PTPRD: variants seen among roughly 807,000 people sequenced by gnomAD.
PTPRD encodes the protein protein tyrosine phosphatase receptor type D.
Under a neutral mutation model 214.5 loss-of-function variants are expected in PTPRD, and 34 were observed. The observed-to-expected ratio is 0.16, with a 90% CI of 0.12 to 0.21. The LOEUF (loss-of-function observed/expected upper bound fraction) is 0.21, where lower values mean the gene tolerates loss of function less well. PTPRD is among the 10% of genes least tolerant of loss of function. PTPRD has a pLI of 1.00. For synonymous variants in PTPRD, 1,128 were observed against 845.7 expected (o/e 1.33, Z -5.79); for missense variants, 2,545 against 2,398.7 (o/e 1.06, Z -1.27).
At chr9:9,915,162 A>T (rs931190793) in intron 5 of PTPRD, among the ~76,000 whole-genome samples, 1 of 152,166 alleles carries the variant, frequency 6.6e-6, no homozygotes, top group Non-Finnish European at 1.5e-5. Flanking sequence ...GACAACACAA[A>T]TGTGTCTACC....
At chr9:9,116,101 G>T (rs547780678) in intron 10 of PTPRD, among the ~76,000 whole-genome samples, 3 of 151,876 alleles carry the variant, frequency 2.0e-5, no homozygotes, top group African/African-American at 7.3e-5. Flanking sequence ...ATGACCTATT[G>T]GGTACTATGC....
chr9:10,237,339 T>C (rs1038794475), intron 3 of PTPRD, among the ~76,000 whole-genome samples: 1 of 151,970 alleles, frequency 6.6e-6, no homozygotes, highest in Non-Finnish European at 1.5e-5. Flanking sequence ...GTTATATCAT[T>C]GTTATGCTGA....
chr9:8,551,730 C>G (rs1408167015), intron 14 of PTPRD, among the ~76,000 whole-genome samples: 2 of 152,152 alleles, frequency 1.3e-5, no homozygotes, highest in African/African-American at 4.8e-5. Context: ...TGTAATAATT[C>G]AATTTTCCAA....
chr9:10,187,492 C>T (rs990015864), intron 3 of PTPRD, among the ~76,000 whole-genome samples: 1 of 152,126 alleles, frequency 6.6e-6, no homozygotes, highest in Non-Finnish European at 1.5e-5. Context: ...CTTTGGAATC[C>T]CAACTGGTCC....
chr9:10,583,100 A>G (rs1208685496), intron 2 of PTPRD, among the ~76,000 whole-genome samples: 3 of 152,232 alleles, frequency 2.0e-5, no homozygotes, highest in African/African-American at 7.2e-5. Context: ...ACAGAGGTGA[A>G]GAGTTGGGTG....
At chr9:8,893,437 G>A (rs73422016) in intron 11 of PTPRD, among the ~76,000 whole-genome samples, 6 of 152,098 alleles carry the variant, frequency 3.9e-5, no homozygotes, top group African/African-American at 1.4e-4. Context: ...ACCAAGAAAG[G>A]ACCATGATGC....
intron 34 of PTPRD, among the ~76,000 whole-genome samples, chr9:8,440,085 T>C (rs902023818): frequency 3.3e-5 from 5 of 151,772 alleles, no homozygotes; most frequent in African/African-American, 1.2e-4. Flanking sequence ...GGGGGGCCTA[T>C]AACTCCATTT....
chr9:9,981,238 CA>C (rs1169542914), intron 4 of PTPRD, among the ~76,000 whole-genome samples: 2 of 152,004 alleles, frequency 1.3e-5, no homozygotes, highest in African/African-American at 4.8e-5. Flanking sequence ...AGTGAACATA[CA>C]CAGTCAGATG....
intron 27 of PTPRD, among the ~76,000 whole-genome samples, chr9:8,486,707 G>A (rs2097023054): frequency 6.6e-6 from 1 of 152,142 alleles, no homozygotes; most frequent in Non-Finnish European, 1.5e-5. Context: ...TGGCTAATAA[G>A]AATAACTATA....
intron 5 of PTPRD, among the ~76,000 whole-genome samples, chr9:9,914,788 A>G (rs2080228806): frequency 6.6e-6 from 1 of 152,140 alleles, no homozygotes; most frequent in African/African-American, 2.4e-5. Flanking sequence ...CAGGCCTGAG[A>G]AGTAGCCCTG....
chr9:9,082,978 A>T (rs1298189111), intron 10 of PTPRD, among the ~76,000 whole-genome samples: 1 of 152,198 alleles, frequency 6.6e-6, no homozygotes, highest in Non-Finnish European at 1.5e-5. Flanking sequence ...CATACTGCCC[A>T]AAGTAATTTA....
At chr9:9,778,753 AC>A (rs2098819506) in intron 5 of PTPRD, among the ~76,000 whole-genome samples, 1 of 152,128 alleles carries the variant, frequency 6.6e-6, no homozygotes, top group Non-Finnish European at 1.5e-5. Context: ...CTGGAACCTG[AC>A]CTAGGCCATG....
At chr9:8,780,202 T>G (rs1812782) in intron 11 of PTPRD, among the ~76,000 whole-genome samples, 114,100 of 152,020 alleles carry the variant, frequency 0.75, 43,080 homozygotes, top group Middle Eastern at 0.84. Flanking sequence ...TATAATACCT[T>G]GTGTTCAGTA....
chr9:10,308,484 G>C (rs1207692552), intron 3 of PTPRD, among the ~76,000 whole-genome samples: 1 of 152,010 alleles, frequency 6.6e-6, no homozygotes, highest in Non-Finnish European at 1.5e-5. Context: ...ATATTTTGAA[G>C]TTAAATAGTG....
At chr9:8,846,645 G>A (rs554420664) in intron 11 of PTPRD, among the ~76,000 whole-genome samples, 1 of 152,210 alleles carries the variant, frequency 6.6e-6, no homozygotes, top group African/African-American at 2.4e-5. Flanking sequence ...GAGAGAGCAT[G>A]CTCAAAATTA....
At chr9:8,347,282 C>T (rs1313607821) in intron 39 of PTPRD, among the ~76,000 whole-genome samples, 3 of 152,054 alleles carry the variant, frequency 2.0e-5, no homozygotes, top group Non-Finnish European at 4.4e-5. Context: ...TCCCACCATC[C>T]AGGGACAAAG....
intron 7 of PTPRD, among the ~76,000 whole-genome samples, chr9:9,700,936 C>T (rs2097486873): frequency 6.6e-6 from 1 of 151,398 alleles, no homozygotes; most frequent in South Asian, 2.1e-4. Context: ...TAGGTGTTAA[C>T]AGCAAAGTAG....
rs2097001543 is a variant in PTPRD, at chr9:8,486,160, T to G, written c.2657A>C (p.His886Pro). 6.2e-7 allele frequency: 1 copy of G among 1,614,204 alleles called. No individual in the cohort carries two copies. The highest frequency in any genetic ancestry group is 2.2e-5 in the East Asian group (1 of 44,878). ...CCTGAAGACGTATGATGCTCCCTTGTGGATGTCTGTAGCTGTAAAGTGATC... is the reference window on the plus strand; with the variant it reads ...CCTGAAGACGTATGATGCTCCCTTGGGGATGTCTGTAGCTGTAAAGTGATC... ...KEDHFTATDIHKGASYVFRLS... is the reference protein window; with the variant it reads ...KEDHFTATDIPKGASYVFRLS... The change falls in exon 28 of 46, where the codon CAC becomes CCC. Residue 886 changes from histidine to proline, a missense_variant. By Grantham distance (77) the His-to-Pro change is moderately conservative. Transcript: ENST00000381196.
chr9:10,341,669 A>G (rs185518134), intron 2 of PTPRD, among the ~76,000 whole-genome samples: 12 of 152,150 alleles, frequency 7.9e-5, no homozygotes, highest in African/African-American at 2.4e-4. Flanking sequence ...TGGTTTTAAC[A>G]TTGTAACATT....
Sources: allele counts gnomAD v4.1 joint callset (sites outside exome capture counted in the v4.1 genomes callset), GRCh38; gene constraint gnomAD v4.1.1; transcripts MANE v1.5; gene names NCBI Gene and HGNC (gene_info 2026-07-23, HGNC 2026-07-21).